The following KLRG1 variants were observed in gnomAD, a reference collection of about 807,000 sequenced individuals.
KLRG1 encodes the protein killer cell lectin-like receptor subfamily G member 1.
A neutral mutation model predicts 21.8 loss-of-function variants in KLRG1; 16 were observed. The ratio of observed to expected loss-of-function variants is 0.73; its 90% confidence interval spans 0.50 to 1.11. The LOEUF (loss-of-function observed/expected upper bound fraction) is 1.11, where lower values mean the gene tolerates loss of function less well. Ranked by LOEUF, KLRG1 falls within the 50% of genes most tolerant of loss-of-function variation. KLRG1 has a pLI of 0.00. For missense variants in KLRG1, 173 were observed against 218.3 expected (o/e 0.79, Z 1.31); for synonymous variants, 69 against 75.9 (o/e 0.91, Z 0.47).
the KLRG1 span, chr12:9,110,253 A>G: frequency 7.5e-7 from 1 of 1,328,476 alleles, no homozygotes; most frequent in African/African-American, 1.5e-5. Flanking sequence ...CCTCTGAAAT[A>G]AGAACATTTT....
At chr12:9,206,261 T>C in the KLRG1 span, among the ~76,000 whole-genome samples, 1 of 151,506 alleles carries the variant, frequency 6.6e-6, no homozygotes, top group African/African-American at 2.4e-5. Flanking sequence ...TATATATTTA[T>C]AATTTATTTA....
chr12:9,130,359 G>T, the KLRG1 span, among the ~76,000 whole-genome samples: 1 of 152,098 alleles, frequency 6.6e-6, no homozygotes, highest in African/African-American at 2.4e-5. Context: ...TGAATTTTTT[G>T]AGGAAACTTG....
At chr12:9,178,419 A>G in the KLRG1 span, among the ~76,000 whole-genome samples, 1 of 152,162 alleles carries the variant, frequency 6.6e-6, no homozygotes, top group Non-Finnish European at 1.5e-5. Context: ...ATTTTACTTC[A>G]TCATGGCCCC....
At chr12:9,027,578 G>A in the KLRG1 span, 1 of 934,904 alleles carries the variant, frequency 1.1e-6, no homozygotes, top group East Asian at 2.4e-5. Context: ...AACCACCATA[G>A]GCACCTTGGT....
At chr12:8,978,374 G>T (rs1946691456) in intron 1 of KLRG1, among the ~76,000 whole-genome samples, 1 of 152,106 alleles carries the variant, frequency 6.6e-6, no homozygotes, top group African/African-American at 2.4e-5. Flanking sequence ...TTTTAGTATA[G>T]ATGAATTCTC....
chr12:9,182,447 C>T, the KLRG1 span, among the ~76,000 whole-genome samples: 1 of 152,110 alleles, frequency 6.6e-6, no homozygotes, highest in Non-Finnish European at 1.5e-5. Flanking sequence ...ATTTTATTTA[C>T]ATTTCAGACT....
the KLRG1 span, among the ~76,000 whole-genome samples, chr12:9,108,264 T>C: frequency 6.6e-6 from 1 of 152,172 alleles, no homozygotes; most frequent in Non-Finnish European, 1.5e-5. Context: ...TAGCTGGGAC[T>C]ACAGGCGCTG....
the KLRG1 span, chr12:9,066,027 C>CGGAT: frequency 6.6e-6 from 1 of 152,648 alleles, no homozygotes; most frequent in Non-Finnish European, 1.5e-5. Flanking sequence ...GTGGAAAGGA[C>CGGAT]ATCCTTACTG....
the KLRG1 span, chr12:9,202,744 T>G: frequency 6.7e-7 from 1 of 1,490,870 alleles, no homozygotes. Flanking sequence ...CTCTGCATTC[T>G]TCAGTCATTG....
At chr12:9,040,584 C>T in the KLRG1 span, among the ~76,000 whole-genome samples, 1 of 152,278 alleles carries the variant, frequency 6.6e-6, no homozygotes, top group South Asian at 2.1e-4. Context: ...TTTACTAAAA[C>T]TTACTTTTAT....
the KLRG1 span, chr12:9,165,916 A>G: frequency 2.8e-6 from 3 of 1,068,606 alleles, no homozygotes; most frequent in Non-Finnish European, 4.0e-6. Context: ...TGCGCATTTT[A>G]CTTAGGTCTA....
Position 9,010,158 on chromosome 12 carries a change from C to G in KLRG1, c.*621C>G, listed in dbSNP as rs1947601409. 2 of 588,302 alleles carry G rather than the reference C, an allele frequency of 3.4e-6. No homozygotes were observed. Among genetic ancestry groups the G allele is most frequent in the Admixed American group, 3.2e-5 (1 of 31,738 alleles). The allele number at this position is 588,302 out of a possible 1,614,324, so 36.4% of individuals were successfully genotyped here. A position where few individuals can be genotyped will look rare whatever the true frequency, so the allele number is the denominator to read the frequency against. ...CTATGATTGTGCCACTGTACTCCAG[C>G]CTGGGAGATAGAGCAAGACTCCATC... On this transcript the variant is annotated 3_prime_UTR_variant, in exon 5 of 5. Transcript: ENST00000356986.
At chr12:9,028,767 C>G in the KLRG1 span, 1 of 582,712 alleles carries the variant, frequency 1.7e-6, no homozygotes, top group Non-Finnish European at 3.3e-6. Flanking sequence ...ATGCCATCAA[C>G]AAACATATTT....
At chr12:8,978,944 A>T in intron 1 of KLRG1, among the ~76,000 whole-genome samples, 1 of 150,360 alleles carries the variant, frequency 6.7e-6, no homozygotes, top group Non-Finnish European at 1.5e-5. Flanking sequence ...TGAACTCCTG[A>T]CCTCAAGTGA....
At chr12:9,178,727 A>G in the KLRG1 span, among the ~76,000 whole-genome samples, 1 of 152,322 alleles carries the variant, frequency 6.6e-6, no homozygotes, top group Non-Finnish European at 1.5e-5. Context: ...GAAGACAGGA[A>G]CAGAAATGTG....
At chr12:9,208,415 CA>C in the KLRG1 span, 1 of 1,235,856 alleles carries the variant, frequency 8.1e-7, no homozygotes. Context: ...CTGAGTTTAC[CA>C]GGCTTTATGT....
the KLRG1 span, among the ~76,000 whole-genome samples, chr12:9,021,384 T>C: frequency 5.3e-3 from 805 of 150,474 alleles, 5 homozygotes; most frequent in African/African-American, 0.018. Flanking sequence ...ACATTTACAT[T>C]TTTAAAAACT....
chr12:9,098,846 T>C, the KLRG1 span: 3 of 1,438,844 alleles, frequency 2.1e-6, no homozygotes, highest in South Asian at 2.7e-5. Flanking sequence ...TCATGTACAA[T>C]GTATAACCAC....
chr12:9,116,034 T>C, the KLRG1 span: 3 of 643,424 alleles, frequency 4.7e-6, no homozygotes, highest in South Asian at 3.1e-5. Context: ...GGAAAGGTCA[T>C]TGATGGCCTA....
Sources: gnomAD v4.1 joint callset for allele counts (sites outside exome capture counted in the v4.1 genomes callset) on GRCh38, gnomAD v4.1.1 for gene constraint, MANE v1.5 for transcripts, NCBI Gene and HGNC (gene_info 2026-07-23, HGNC 2026-07-21) for gene names.